CAMTA1: variants seen among roughly 807,000 people sequenced by gnomAD.
The protein encoded by CAMTA1 is calmodulin binding transcription activator 1, also known as calmodulin-binding transcription activator 1.
In CAMTA1, 27 loss-of-function variants were observed where a neutral mutation model predicts 170.9. That is an observed-to-expected ratio of 0.16 (90% confidence interval 0.12 to 0.22). The LOEUF (loss-of-function observed/expected upper bound fraction) is 0.22. CAMTA1 is among the 10% of genes least tolerant of loss of function. CAMTA1 has a pLI of 1.00. For synonymous variants in CAMTA1, 833 were observed against 891.5 expected, an observed-to-expected ratio of 0.93 and a Z score of 1.17; for missense variants, 1,619 against 2,217.2, an observed-to-expected ratio of 0.73 and a Z score of 5.42.
At chr1:6,944,625 C>T (rs78577437) in intron 3 of CAMTA1, among the ~76,000 whole-genome samples, 2,518 of 152,286 alleles carry the variant, frequency 0.017, 67 homozygotes, top group African/African-American at 0.057. Context: ...AGTGACTGCA[C>T]CACCTGCCCC....
At chr1:6,798,613 G>C (rs1344093320) in intron 1 of CAMTA1, among the ~76,000 whole-genome samples, 1 of 112,300 alleles carries the variant, frequency 8.9e-6, no homozygotes, top group South Asian at 3.0e-4. Flanking sequence ...TTTTTGAGAC[G>C]GAGTCTCGCT....
intron 11 of CAMTA1, among the ~76,000 whole-genome samples, chr1:7,712,980 A>G (rs2096582583): frequency 1.3e-5 from 2 of 152,172 alleles, no homozygotes; most frequent in Non-Finnish European, 1.5e-5. Flanking sequence ...GTTACCTCCG[A>G]CTGGGTCCTG....
chr1:6,917,065 T>G (rs1680963949), intron 3 of CAMTA1, among the ~76,000 whole-genome samples: 1 of 152,030 alleles, frequency 6.6e-6, no homozygotes, highest in South Asian at 2.1e-4. Flanking sequence ...GTTAGCCAGG[T>G]GAAGGGGGCC....
intron 5 of CAMTA1, among the ~76,000 whole-genome samples, chr1:7,346,525 C>T (rs2084231962): frequency 6.6e-6 from 1 of 152,338 alleles, no homozygotes; most frequent in East Asian, 1.9e-4. Context: ...TACACCTCTA[C>T]ACTGGCCTGC....
At chr1:7,171,649 A>G (rs988568932) in intron 4 of CAMTA1, among the ~76,000 whole-genome samples, 2 of 152,224 alleles carry the variant, frequency 1.3e-5, no homozygotes, top group African/African-American at 4.8e-5. Flanking sequence ...ATTTTAAAGT[A>G]TACAATTCAG....
In CAMTA1 at chr1:6,892,904, G is replaced by A. The variant is rs369244274; in HGVS notation, c.234+67694G>A. Among the ~76,000 whole-genome samples the A allele has an allele frequency of 5.6e-4, 85 of 151,902 alleles. No individual in the cohort carries two copies. The South Asian group carries it at 9.6e-3, about 17-fold the overall frequency. ...GTGAATCTGTACTACAAAGTAAAAT[G>A]TATGAGTAGATAGGTTTTCATGTTT... On this transcript the variant is annotated intron_variant, in intron 3 of 22. Transcript: ENST00000303635.
At chr1:6,848,702 A>G (rs1659244603) in intron 3 of CAMTA1, among the ~76,000 whole-genome samples, 1 of 152,216 alleles carries the variant, frequency 6.6e-6, no homozygotes, top group Non-Finnish European at 1.5e-5. Context: ...TGTTAGGTTC[A>G]GTACTTGAGG....
At chr1:7,612,216 G>A (rs554583687) in intron 6 of CAMTA1, among the ~76,000 whole-genome samples, 2 of 152,282 alleles carry the variant, frequency 1.3e-5, no homozygotes, top group African/African-American at 4.8e-5. Context: ...GGTGAATGTG[G>A]GGATTTGATT....
chr1:7,142,485 T>C (rs898204003), intron 4 of CAMTA1, among the ~76,000 whole-genome samples: 4 of 152,186 alleles, frequency 2.6e-5, no homozygotes, highest in South Asian at 2.1e-4. Flanking sequence ...ATGTTTGTAC[T>C]CCTAAACCTG....
At chr1:7,410,143 A>C (rs1241584983) in intron 5 of CAMTA1, among the ~76,000 whole-genome samples, 1 of 152,246 alleles carries the variant, frequency 6.6e-6, no homozygotes, top group East Asian at 1.9e-4. Context: ...AGTTGATTTT[A>C]AAGTGAGCTG....
intron 3 of CAMTA1, among the ~76,000 whole-genome samples, chr1:6,897,685 A>G (rs2149180534): frequency 6.6e-6 from 1 of 152,312 alleles, no homozygotes; most frequent in South Asian, 2.1e-4. Context: ...TATGTTTGAC[A>G]CACATTCAGT....
intron 4 of CAMTA1, among the ~76,000 whole-genome samples, chr1:7,184,237 T>C (rs1197762961): frequency 6.6e-6 from 1 of 152,022 alleles, no homozygotes; most frequent in African/African-American, 2.4e-5. Flanking sequence ...GGAAGGGTAG[T>C]AGGGGCAGTG....
At chr1:7,758,892 G>A (rs1051347610) in intron 22 of CAMTA1, among the ~76,000 whole-genome samples, 4 of 139,376 alleles carry the variant, frequency 2.9e-5, no homozygotes, top group South Asian at 2.2e-4. Context: ...CCGAGATAGC[G>A]CCACTGCAGT....
intron 16 of CAMTA1, among the ~76,000 whole-genome samples, chr1:7,739,473 C>T (rs1328813612): frequency 6.6e-6 from 1 of 152,196 alleles, no homozygotes; most frequent in African/African-American, 2.4e-5. Flanking sequence ...CACTTCTGAC[C>T]TACCGTATTA....
intron 10 of CAMTA1, among the ~76,000 whole-genome samples, chr1:7,677,021 A>G (rs2096128127): frequency 6.6e-6 from 1 of 152,120 alleles, no homozygotes; most frequent in African/African-American, 2.4e-5. Flanking sequence ...CAACCTTCAC[A>G]TCAGCATCCC....
intron 7 of CAMTA1, among the ~76,000 whole-genome samples, chr1:7,648,350 C>T (rs2095823697): frequency 6.6e-6 from 1 of 151,264 alleles, no homozygotes; most frequent in South Asian, 2.1e-4. Context: ...CAAGATCGTG[C>T]CATTGTGCTC....
intron 5 of CAMTA1, among the ~76,000 whole-genome samples, chr1:7,404,303 A>T (rs574575631): frequency 1.3e-5 from 2 of 152,244 alleles, no homozygotes; most frequent in South Asian, 4.1e-4. Flanking sequence ...TTTTCTACTC[A>T]GACCTCACTC....
chr1:7,700,466 T>C (rs1288857858), intron 11 of CAMTA1, among the ~76,000 whole-genome samples: 1 of 152,254 alleles, frequency 6.6e-6, no homozygotes, highest in Admixed American at 6.5e-5. Context: ...AAACATCTGA[T>C]TTCTTATCAG....
chr1:6,980,974 T>C (rs1200541268), intron 3 of CAMTA1, among the ~76,000 whole-genome samples: 3 of 151,982 alleles, frequency 2.0e-5, no homozygotes, highest in Non-Finnish European at 4.4e-5. Flanking sequence ...GGTTCCCTCA[T>C]CGGAAACCCT....
Sources: allele counts gnomAD v4.1 joint callset (sites outside exome capture counted in the v4.1 genomes callset), GRCh38; gene constraint gnomAD v4.1.1; transcripts MANE v1.5; gene names NCBI Gene and HGNC (gene_info 2026-07-23, HGNC 2026-07-21).